NOX5: variants seen among roughly 807,000 people sequenced by gnomAD.
NOX5 encodes NADPH oxidase 5.
Under a neutral mutation model 85.7 loss-of-function variants are expected in NOX5, and 76 were observed. That is an observed-to-expected ratio of 0.89 (90% confidence interval 0.74 to 1.07). The LOEUF is 1.07. NOX5 is among the 50% of genes least tolerant of loss of function. The pLI is 0.00. For missense variants in NOX5, 973 were observed against 999.5 expected, an observed-to-expected ratio of 0.97 and a Z score of 0.36; for synonymous variants, 405 against 401.4, an observed-to-expected ratio of 1.01 and a Z score of -0.11.
chr15:69,035,510 G>A lies in NOX5; in HGVS notation c.1009+3G>A, dbSNP rs2050503171. The A allele has an allele frequency of 6.2e-7, 1 of 1,613,936 alleles. No individual in the cohort carries two copies. The highest frequency in any genetic ancestry group is 1.3e-5 in the African/African-American group (1 of 74,938). ...CGTGGCTCACACTGTGAACTTTGGTGAGTGATCTGGGGCAGGGTTGGGTCG... is the reference window on the plus strand; with the variant it reads ...CGTGGCTCACACTGTGAACTTTGGTAAGTGATCTGGGGCAGGGTTGGGTCG... On this transcript the variant is annotated splice_donor_region_variant and intron_variant, in intron 6 of 15. Coordinates refer to ENST00000388866, the MANE Select transcript of NOX5 (RefSeq NM_024505.4).
chr15:69,051,870 C>G (rs1008634413), intron 14 of NOX5, among the ~76,000 whole-genome samples: 6 of 151,530 alleles, frequency 4.0e-5, no homozygotes, highest in African/African-American at 1.5e-4. Flanking sequence ...GATTAAATAC[C>G]TTAACATACA....
intron 3 of NOX5, chr15:69,031,104 G>A (rs2050422622): frequency 5.6e-6 from 1 of 180,108 alleles, no homozygotes; most frequent in South Asian, 1.9e-4. Context: ...GGAATGCCTA[G>A]CTGTGGCCCC....
At chr15:69,053,948 A>G (rs2050779849) in intron 14 of NOX5, among the ~76,000 whole-genome samples, 1 of 152,190 alleles carries the variant, frequency 6.6e-6, no homozygotes, top group South Asian at 2.1e-4. Flanking sequence ...GGCCATTTGC[A>G]TTGTAACAGC....
At chr15:69,047,246 G>T in intron 11 of NOX5, 167 bp from the exon 12 acceptor site, 1 of 805,582 alleles carries the variant, frequency 1.2e-6, no homozygotes, top group Non-Finnish European at 1.9e-6. Context: ...TGAGAGCACA[G>T]GATGTGGAAA....
intron 1 of NOX5, among the ~76,000 whole-genome samples, chr15:69,018,164 A>G (rs1390248375): frequency 6.6e-6 from 1 of 151,734 alleles, no homozygotes; most frequent in Non-Finnish European, 1.5e-5. Flanking sequence ...GGAAACTCCA[A>G]CTCCCATTTG....
rs1300733261 is a variant in NOX5, at chr15:69,061,176, G to T, written c.*4480G>T. The T allele has an allele frequency of 6.6e-6, 1 of 152,244 alleles. No homozygotes were observed. The highest frequency in any genetic ancestry group is 2.4e-5 in the African/African-American group (1 of 41,468). The allele number at this position is 152,244 out of a possible 1,614,324, so 9.4% of individuals were successfully genotyped here. A position where few individuals can be genotyped will look rare whatever the true frequency, so the allele number is the denominator to read the frequency against. ...ACAAAATGCAGAGATTATCTGCAGT[G>T]TTGTCTAAGATCCTGAATATTGATT... On this transcript the variant is annotated 3_prime_UTR_variant, in exon 16 of 16. Coordinates refer to ENST00000388866, the MANE Select transcript of NOX5 (RefSeq NM_024505.4).
chr15:69,037,003 T>A lies in NOX5; in HGVS notation c.1189-25T>A, dbSNP rs3825854. 3.5e-4 allele frequency: 561 copies of A among 1,602,788 alleles called. 6 individuals carry two copies. In the East Asian group the frequency reaches 0.012, roughly 35 times the overall value. The stretch of plus-strand genomic sequence containing the variant: ...CCCCCCAGGCCTTGAGCTCTGGAAG[T>A]TGACTGCCCCCCCTACCCCCATAGG... On this transcript the variant is annotated intron_variant, in intron 7 of 15. Transcript: ENST00000388866.
intron 14 of NOX5, among the ~76,000 whole-genome samples, chr15:69,051,628 G>A (rs534288372): frequency 6.6e-6 from 1 of 152,182 alleles, no homozygotes; most frequent in Non-Finnish European, 1.5e-5. Flanking sequence ...ACCAGCTTTG[G>A]CCTCCCAAAG....
chr15:69,022,399 T>C (rs1463901571), intron 1 of NOX5: 3 of 159,072 alleles, frequency 1.9e-5, no homozygotes, highest in Non-Finnish European at 4.3e-5. Context: ...CAAAAACCAG[T>C]TGAGAAAGAA....
chr15:69,036,923 G>A lies in NOX5; in HGVS notation c.1189-105G>A, dbSNP rs896326384. On this transcript the variant is annotated intron_variant, in intron 7 of 15. Transcript: ENST00000388866. The stretch of plus-strand genomic sequence containing the variant: ...AACTCCATCCCCGGGAGAGAGTCAA[G>A]GCTCTGAGCACTGCCCTGGCTTTGA... The A allele has an allele frequency of 4.5e-6, 4 of 881,016 alleles. No homozygotes were observed. In the African/African-American group the frequency reaches 6.7e-5, roughly 15 times the overall value. 54.6% of individuals were successfully genotyped at this position (881,016 alleles called of 1,614,324 possible). A position where few individuals can be genotyped will look rare whatever the true frequency, so the allele number is the denominator to read the frequency against.
chr15:69,053,776 C>G (rs553059037), intron 14 of NOX5, among the ~76,000 whole-genome samples: 19 of 152,278 alleles, frequency 1.2e-4, no homozygotes, highest in African/African-American at 4.6e-4. Context: ...GTCTCCCCTT[C>G]TCTCCTCTTA....
chr15:69,034,806 G>T (rs1431482631), intron 5 of NOX5, among the ~76,000 whole-genome samples: 1 of 152,194 alleles, frequency 6.6e-6, no homozygotes, highest in African/African-American at 2.4e-5. Flanking sequence ...GCAGTGGACT[G>T]ATCATAGGTT....
At chr15:69,040,483 T>C (rs2050580031) in intron 9 of NOX5, among the ~76,000 whole-genome samples, 1 of 152,218 alleles carries the variant, frequency 6.6e-6, no homozygotes, top group Admixed American at 6.5e-5. Flanking sequence ...ACAGGCAGTG[T>C]TTCATAGCAG....
intron 15 of NOX5, among the ~76,000 whole-genome samples, chr15:69,056,247 G>A (rs561550703): frequency 2.0e-4 from 30 of 152,268 alleles, no homozygotes; most frequent in African/African-American, 7.2e-4. Flanking sequence ...GCATCTCTCT[G>A]CGTGTCTGAT....
intron 1 of NOX5, among the ~76,000 whole-genome samples, chr15:69,018,702 G>T (rs1458925561): frequency 6.6e-6 from 1 of 152,124 alleles, no homozygotes; most frequent in Non-Finnish European, 1.5e-5. Flanking sequence ...TTTTACTAAG[G>T]TATTAATTTG....
At chr15:69,054,884 G>A (rs1335366650) in intron 14 of NOX5, among the ~76,000 whole-genome samples, 2 of 152,156 alleles carry the variant, frequency 1.3e-5, no homozygotes, top group Non-Finnish European at 2.9e-5. Flanking sequence ...GGAGCCCAGG[G>A]ACTGCCATGC....
In NOX5 at chr15:69,037,250, C is replaced by T. The variant is rs532760548; in HGVS notation, c.1371+40C>T. 2.2e-5 allele frequency: 35 copies of T among 1,574,210 alleles called. No individual in the cohort carries two copies. The East Asian group carries it at 5.2e-4, about 24-fold the overall frequency. The stretch of plus-strand genomic sequence containing the variant: ...GATGGGGAGGTGCTTTTCCAACTCA[C>T]CCCAAGGGACAGTTTGTGGGGTGGA... On this transcript the variant is annotated intron_variant, in intron 8 of 15. Transcript: ENST00000388866.
At chr15:69,052,595 GA>G (rs1157636903) in intron 14 of NOX5, among the ~76,000 whole-genome samples, 1 of 152,212 alleles carries the variant, frequency 6.6e-6, no homozygotes, top group East Asian at 1.9e-4. Context: ...AGGTTGTCAT[GA>G]GTGAATTCAA....
chr15:69,047,588 G>A (rs367699084), intron 12 of NOX5, 51 bp downstream of exon 12: 90 of 1,579,790 alleles, frequency 5.7e-5, no homozygotes, highest in East Asian at 6.8e-5. Flanking sequence ...GCCCCAAGGC[G>A]CCCTCCCTGC....
Sources: gnomAD v4.1 joint callset for allele counts (sites outside exome capture counted in the v4.1 genomes callset) on GRCh38, gnomAD v4.1.1 for gene constraint, MANE v1.5 for transcripts, NCBI Gene and HGNC (gene_info 2026-07-23, HGNC 2026-07-21) for gene names.